BRF1: variants seen among roughly 807,000 people sequenced by gnomAD.
The protein encoded by BRF1 is BRF1 general transcription factor IIIB subunit, also known as transcription factor IIIB 90 kDa subunit.
In BRF1, 59 loss-of-function variants were observed where a neutral mutation model predicts 81.7. The ratio of observed to expected loss-of-function variants is 0.72; its 90% confidence interval spans 0.59 to 0.90. BRF1 has a LOEUF of 0.90. Ranked by LOEUF, BRF1 falls within the 40% of genes least tolerant of loss-of-function variation. The pLI, the probability that BRF1 is intolerant of heterozygous loss-of-function variation, is 0.00. For missense variants in BRF1, 1,050 were observed against 936.3 expected (o/e 1.12, Z -1.58); for synonymous variants, 491 against 395.6 (o/e 1.24, Z -2.86).
At chr14:105,225,588 A>G (rs1205809555) in intron 10 of BRF1, among the ~76,000 whole-genome samples, 2 of 152,174 alleles carry the variant, frequency 1.3e-5, no homozygotes, top group African/African-American at 2.4e-5. Flanking sequence ...TTACCCCAAA[A>G]TATCTTTGAC....
chr14:105,213,156 T>G (rs1293922823), intron 15 of BRF1: 1 of 152,218 alleles, frequency 6.6e-6, no homozygotes, highest in African/African-American at 2.4e-5. Context: ...CACTGTGCAG[T>G]GGAGTGGGGG....
intron 3 of BRF1, among the ~76,000 whole-genome samples, chr14:105,265,150 C>G (rs1305003846): frequency 6.6e-6 from 1 of 150,598 alleles, no homozygotes; most frequent in Non-Finnish European, 1.5e-5. Flanking sequence ...CAGCTCACTG[C>G]AGCCTTGACC....
At chr14:105,270,408 C>G (rs1243308430) in intron 3 of BRF1, among the ~76,000 whole-genome samples, 1 of 151,992 alleles carries the variant, frequency 6.6e-6, no homozygotes, top group Non-Finnish European at 1.5e-5. Flanking sequence ...ATCTCCTGAC[C>G]TCGTGATCCG....
At chr14:105,252,343 A>G (rs1292335128) in intron 5 of BRF1, 164 bp downstream of exon 5, 2 of 980,536 alleles carry the variant, frequency 2.0e-6, no homozygotes, top group Non-Finnish European at 2.4e-6. Flanking sequence ...GTCTTAGAAA[A>G]TAAGGCCCCA....
In BRF1 at chr14:105,221,838, G is replaced by T. The variant is rs373698699; in HGVS notation, c.1125C>A (p.Ser375Arg). The change falls in exon 11 of 18, where the codon AGC becomes AGA. Residue 375 changes from serine (S) to arginine (R), a missense_variant. By Grantham distance (110) the Ser-to-Arg change is moderately radical. Around this residue, in one of 2 missense-constraint regions of BRF1, gnomAD observed 1,043 missense variants for 915.4 expected, o/e 1.14. Transcript: ENST00000547530. ...TEDEELEAAASHLNKDLYREL... is the reference protein window; with the variant it reads ...TEDEELEAAARHLNKDLYREL... ...CCCGGTATAAGTCTTTGTTCAGGTG[G>T]CTGGCCGCGGCTTCCAGCTCCTCGT... 8.7e-6 allele frequency: 14 copies of T among 1,607,832 alleles called. No individual in the cohort carries two copies. The highest frequency in any genetic ancestry group is 1.7e-6 in the Non-Finnish European group (2 of 1,177,970).
chr14:105,299,087 G>A (rs1263476344), intron 1 of BRF1, among the ~76,000 whole-genome samples: 2 of 147,448 alleles, frequency 1.4e-5, no homozygotes, highest in Non-Finnish European at 1.5e-5. Flanking sequence ...GCAGGAGAAT[G>A]GCGTGAGCCT....
chr14:105,290,043 C>T (rs2057459549), intron 1 of BRF1, among the ~76,000 whole-genome samples: 1 of 152,244 alleles, frequency 6.6e-6, no homozygotes, highest in African/African-American at 2.4e-5. Flanking sequence ...AAAGAAAAAT[C>T]TCACTATATT....
chr14:105,310,319 A>G (rs1366045606), intron 1 of BRF1, among the ~76,000 whole-genome samples: 2 of 151,254 alleles, frequency 1.3e-5, no homozygotes, highest in East Asian at 4.0e-4. Flanking sequence ...TCATGAGGTC[A>G]GGAGATCAAG....
chr14:105,215,992 A>G (rs977431955), intron 15 of BRF1, among the ~76,000 whole-genome samples: 2 of 140,700 alleles, frequency 1.4e-5, no homozygotes, highest in Non-Finnish European at 3.1e-5. Context: ...ACACAGGCGC[A>G]CACACACATG....
At chr14:105,247,318 T>C in intron 5 of BRF1, 1 of 985,460 alleles carries the variant, frequency 1.0e-6, no homozygotes, top group South Asian at 4.7e-5. Context: ...CTGCTCTGCA[T>C]TCCACCAACA....
chr14:105,218,860 C>G, intron 14 of BRF1, 138 bp downstream of exon 14: 1 of 1,259,668 alleles, frequency 7.9e-7, no homozygotes, highest in Non-Finnish European at 1.1e-6. Context: ...GGTCTGGGGT[C>G]CAGAGCACAT....
intron 2 of BRF1, among the ~76,000 whole-genome samples, chr14:105,278,083 T>C (rs1422818256): frequency 6.6e-6 from 1 of 152,114 alleles, no homozygotes; most frequent in African/African-American, 2.4e-5. Flanking sequence ...GATATTCACA[T>C]AGAAACCAAC....
intron 10 of BRF1, among the ~76,000 whole-genome samples, chr14:105,225,044 C>A (rs760721054): frequency 6.6e-6 from 1 of 152,240 alleles, no homozygotes; most frequent in East Asian, 1.9e-4. Context: ...CAAGTGGGCC[C>A]AGGCCGCAGG....
rs140457170 is a variant in BRF1 at position 105,286,586 on chromosome 14, T to C, written c.185-210A>G. ...TCTGCCCAGCCAGCAGGGTTGAGGG[T>C]GGGCCAACTGCACTTTCCGCATTTT... On this transcript the variant is annotated intron_variant, in intron 1 of 17. Transcript: ENST00000547530. Among the ~76,000 whole-genome samples the C allele has an allele frequency of 3.3e-3, 491 of 150,660 alleles. 3 individuals carry two copies. The highest frequency in any genetic ancestry group is 0.014 in the East Asian group (72 of 5,134).
intron 14 of BRF1, 71 bp downstream of exon 14, chr14:105,218,927 T>C: frequency 6.2e-7 from 1 of 1,600,644 alleles, no homozygotes; most frequent in Non-Finnish European, 8.5e-7. Flanking sequence ...GGAAGGGACA[T>C]TCCAGAGACA....
Position 105,221,884 on chromosome 14 carries a change from C to T in BRF1, c.1079G>A (p.Cys360Tyr). 6.2e-7 allele frequency: 1 copy of T among 1,600,178 alleles called. No homozygotes were observed. Among genetic ancestry groups the T allele is most frequent in the South Asian group, 1.1e-5 (1 of 89,038 alleles). The change falls in exon 11 of 18, where the codon TGT becomes TAT. Residue 360 changes from cysteine to tyrosine, a missense_variant. Transcript: ENST00000547530. ...GSTEDTASSLCGEEDTEDEEL... is the reference protein window; with the variant it reads ...GSTEDTASSLYGEEDTEDEEL... The stretch of plus-strand genomic sequence containing the variant: ...CTCGTCCTCTGTGTCCTCCTCGCCA[C>T]ACAAGCTGGACGCGGTGTCCTCGGT...
At chr14:105,242,735 C>G (rs1454357278) in intron 5 of BRF1, 4 of 38,870 alleles carry the variant, frequency 1.0e-4, no homozygotes, top group Non-Finnish European at 1.2e-4. Flanking sequence ...AGTTCTGACT[C>G]AAAAAAAAAA....
intron 5 of BRF1, among the ~76,000 whole-genome samples, chr14:105,242,805 A>T (rs1250789107): frequency 6.6e-5 from 10 of 152,018 alleles, no homozygotes; most frequent in African/African-American, 1.9e-4. Context: ...CGAAGTCTAT[A>T]CAAAAGTTTT....
At position 105,209,884 on chromosome 14, in the gene BRF1, C is replaced by A. The variant is rs909278982; in HGVS notation, c.*667G>T. On this transcript the variant is annotated 3_prime_UTR_variant, in exon 18 of 18. Coordinates refer to ENST00000547530, the MANE Select transcript of BRF1 (RefSeq NM_001519.4). ...CTGGAGCAGGGGTCTGACCCCCATGCTGCTCCAGGCGGTGCAGGCAGCGGG... is the reference window on the plus strand; with the variant it reads ...CTGGAGCAGGGGTCTGACCCCCATGATGCTCCAGGCGGTGCAGGCAGCGGG... 2.4e-6 allele frequency: 1 copy of A among 423,652 alleles called. No individual in the cohort carries two copies. Among genetic ancestry groups the A allele is most frequent in the Non-Finnish European group, 4.2e-6 (1 of 240,854 alleles). 26.2% of individuals were successfully genotyped at this position (423,652 alleles called of 1,614,324 possible). A position where few individuals can be genotyped will look rare whatever the true frequency, so the allele number is the denominator to read the frequency against.
Sources: gnomAD v4.1 joint callset for allele counts (sites outside exome capture counted in the v4.1 genomes callset) on GRCh38, gnomAD v4.1.1 for gene constraint, gnomAD v4.1.1 regional missense constraint, MANE v1.5 for transcripts, NCBI Gene and HGNC (gene_info 2026-07-23, HGNC 2026-07-21) for gene names.